The following SYNPO2 variants were observed in gnomAD, a reference collection of about 807,000 sequenced individuals.
The protein encoded by SYNPO2 is synaptopodin-2.
Under a neutral mutation model 85.0 loss-of-function variants are expected in SYNPO2, and 56 were observed. The observed-to-expected ratio is 0.66, with a 90% CI of 0.53 to 0.82. The LOEUF is 0.82. Among genes scored for constraint, SYNPO2 ranks in the 40% least tolerant of loss-of-function variants. SYNPO2 has a pLI of 0.00. For missense variants in SYNPO2, 1,575 were observed against 1,534.2 expected, an observed-to-expected ratio of 1.03 and a Z score of -0.44; for synonymous variants, 602 against 591.1, an observed-to-expected ratio of 1.02 and a Z score of -0.27.
chr4:118,862,782 A>G (rs1578504693), intron 1 of SYNPO2, among the ~76,000 whole-genome samples: 1 of 151,354 alleles, frequency 6.6e-6, no homozygotes, highest in Non-Finnish European at 1.5e-5. Flanking sequence ...ATTGGCTTGT[A>G]GTTTTCTTTT....
chr4:118,942,268 T>C (rs970982609), intron 1 of SYNPO2, among the ~76,000 whole-genome samples: 2 of 152,212 alleles, frequency 1.3e-5, no homozygotes, highest in African/African-American at 4.8e-5. Context: ...GGTACGTATC[T>C]CACTATATTG....
chr4:118,908,202 A>G (rs1733000441), intron 1 of SYNPO2, among the ~76,000 whole-genome samples: 1 of 152,140 alleles, frequency 6.6e-6, no homozygotes, highest in Non-Finnish European at 1.5e-5. Flanking sequence ...GCTTTCTTAA[A>G]ATTATTTCCT....
intron 4 of SYNPO2, chr4:119,036,901 G>T (rs1349640517): frequency 1.7e-6 from 2 of 1,183,838 alleles, no homozygotes; most frequent in African/African-American, 3.2e-5. Context: ...TTTATCAAAG[G>T]TTTGCCAGCC....
intron 1 of SYNPO2, among the ~76,000 whole-genome samples, chr4:119,015,677 A>T (rs1046441655): frequency 3.3e-5 from 5 of 152,156 alleles, no homozygotes; most frequent in African/African-American, 1.2e-4. Flanking sequence ...GTTCCTAAAG[A>T]TATCACGTGT....
At chr4:118,993,135 T>C (rs983156387) in intron 1 of SYNPO2, among the ~76,000 whole-genome samples, 4 of 152,208 alleles carry the variant, frequency 2.6e-5, no homozygotes, top group Non-Finnish European at 4.4e-5. Flanking sequence ...ATTACTTACA[T>C]TGTCAATTAA....
rs765003546 is a variant in SYNPO2 at position 118,881,301 on chromosome 4, C to CAA, written c.12+30375_12+30376dup. On this transcript the variant is annotated intron_variant, in intron 1 of 4. Coordinates refer to the SYNPO2 transcript ENST00000610556. The stretch of plus-strand genomic sequence containing the variant: ...TGGGCGACAGAGCAAAACTCCGTCT[C>CAA]AAAAAAAAAAAAAAAGAAGAAGAAG... Among the ~76,000 whole-genome samples, 243 of 113,986 alleles carry CAA rather than the reference C, an allele frequency of 2.1e-3. 1 individual carries two copies. Among genetic ancestry groups the CAA allele is most frequent in the African/African-American group, 2.3e-3 (63 of 27,592 alleles). The allele number at this position is 113,986 out of a possible 152,430, so 74.8% of individuals were successfully genotyped here.
intron 4 of SYNPO2, among the ~76,000 whole-genome samples, chr4:119,046,193 T>C (rs936186638): frequency 1.3e-5 from 2 of 152,238 alleles, no homozygotes; most frequent in Non-Finnish European, 2.9e-5. Flanking sequence ...TTGTACATTT[T>C]AGTTATTATT....
At chr4:118,950,309 A>C (rs1226743465) in intron 1 of SYNPO2, among the ~76,000 whole-genome samples, 2 of 152,182 alleles carry the variant, frequency 1.3e-5, no homozygotes, top group Non-Finnish European at 2.9e-5. Flanking sequence ...AGGCCAACAG[A>C]TCAGGAGATA....
At chr4:118,957,070 AT>A (rs1257135281) in intron 1 of SYNPO2, among the ~76,000 whole-genome samples, 1 of 151,942 alleles carries the variant, frequency 6.6e-6, no homozygotes, top group Non-Finnish European at 1.5e-5. Context: ...AATAAAAAAA[AT>A]AAAAAAAAGT....
At chr4:118,900,779 C>CTATCTATATCTATCTAAA (rs1732728343) in intron 1 of SYNPO2, among the ~76,000 whole-genome samples, 1 of 142,760 alleles carries the variant, frequency 7.0e-6, no homozygotes, top group South Asian at 2.2e-4. Flanking sequence ...ATCTATCTAT[C>CTATCTATATCTATCTAAA]TATCTATAGA....
intron 1 of SYNPO2, among the ~76,000 whole-genome samples, chr4:118,997,237 C>G: frequency 1.8e-5 from 1 of 55,588 alleles, no homozygotes; most frequent in Non-Finnish European, 3.6e-5. Context: ...GAGACTCCGT[C>G]TCAAAAAAAA....
chr4:119,006,665 A>G (rs1460854373), intron 1 of SYNPO2, among the ~76,000 whole-genome samples: 1 of 152,222 alleles, frequency 6.6e-6, no homozygotes, highest in Non-Finnish European at 1.5e-5. Context: ...AATTAAAGTT[A>G]GGTAATCCCC....
chr4:118,931,858 A>T (rs1474933537), intron 1 of SYNPO2, among the ~76,000 whole-genome samples: 3 of 152,232 alleles, frequency 2.0e-5, no homozygotes, highest in Non-Finnish European at 4.4e-5. Flanking sequence ...TAAAAAAATC[A>T]GTAAATGTTT....
chr4:118,915,142 G>A (rs755996410), intron 1 of SYNPO2, among the ~76,000 whole-genome samples: 18 of 151,704 alleles, frequency 1.2e-4, no homozygotes, highest in African/African-American at 1.7e-4. Flanking sequence ...ACAGGAATAC[G>A]AGAGCTGAAA....
intron 1 of SYNPO2, among the ~76,000 whole-genome samples, chr4:118,978,965 G>A (rs553193219): frequency 1.9e-4 from 29 of 152,196 alleles, no homozygotes; most frequent in African/African-American, 6.7e-4. Flanking sequence ...CACACATAGC[G>A]CATTCTTACA....
intron 1 of SYNPO2, among the ~76,000 whole-genome samples, chr4:118,937,977 TA>T (rs1454195398): frequency 6.6e-6 from 1 of 152,226 alleles, no homozygotes; most frequent in Non-Finnish European, 1.5e-5. Flanking sequence ...AAATGCTATA[TA>T]AATAGTTGTT....
chr4:118,945,887 A>G (rs1164925599), intron 1 of SYNPO2, among the ~76,000 whole-genome samples: 1 of 152,028 alleles, frequency 6.6e-6, no homozygotes, highest in Non-Finnish European at 1.5e-5. Context: ...CTAGGACTGC[A>G]GGCGCGCACC....
At chr4:119,052,711 T>C (rs1739092434) in intron 4 of SYNPO2, among the ~76,000 whole-genome samples, 1 of 152,168 alleles carries the variant, frequency 6.6e-6, no homozygotes, top group African/African-American at 2.4e-5. Context: ...TTAACTCTAA[T>C]AAAGTTGAAA....
intron 1 of SYNPO2, among the ~76,000 whole-genome samples, chr4:118,914,132 A>G (rs1248924594): frequency 1.3e-5 from 2 of 152,186 alleles, no homozygotes; most frequent in East Asian, 3.8e-4. Flanking sequence ...TTCATCTTGG[A>G]TGACAAAGGG....
Sources: gnomAD v4.1 joint callset for allele counts (sites outside exome capture counted in the v4.1 genomes callset) on GRCh38, gnomAD v4.1.1 for gene constraint, MANE v1.5 for transcripts, NCBI Gene and HGNC (gene_info 2026-07-23, HGNC 2026-07-21) for gene names.